The following FTO variants were observed in gnomAD, a reference collection of about 807,000 sequenced individuals.
FTO encodes the protein FTO alpha-ketoglutarate dependent dioxygenase.
In FTO, 47 loss-of-function variants were observed where a neutral mutation model predicts 63.9. The observed-to-expected ratio is 0.74, with a 90% CI of 0.58 to 0.94. The LOEUF is 0.94. Among genes scored for constraint, FTO ranks in the 40% least tolerant of loss-of-function variants. The pLI is 0.00. For synonymous variants in FTO, 207 were observed against 224.4 expected, an observed-to-expected ratio of 0.92 and a Z score of 0.69; for missense variants, 562 against 618.1, an observed-to-expected ratio of 0.91 and a Z score of 0.96.
chr16:54,005,319 C>T (rs1396311678), intron 8 of FTO, among the ~76,000 whole-genome samples: 1 of 144,082 alleles, frequency 6.9e-6, no homozygotes, highest in African/African-American at 2.5e-5. Flanking sequence ...CTATGAAGGC[C>T]AGCAGATTTT....
chr16:54,062,274 A>G (rs1172597959), intron 8 of FTO, among the ~76,000 whole-genome samples: 3 of 152,212 alleles, frequency 2.0e-5, no homozygotes, highest in Non-Finnish European at 4.4e-5. Flanking sequence ...AAATGACAAC[A>G]TTCAAATCTT....
At chr16:53,913,542 G>C (rs1175541040) in intron 7 of FTO, among the ~76,000 whole-genome samples, 3 of 152,190 alleles carry the variant, frequency 2.0e-5, no homozygotes, top group Admixed American at 2.0e-4. Context: ...TATTTGACAA[G>C]CAAAACTTTC....
At chr16:53,931,302 T>TAA (rs1179483453) in intron 7 of FTO, among the ~76,000 whole-genome samples, 2 of 134,990 alleles carry the variant, frequency 1.5e-5, no homozygotes, top group African/African-American at 6.9e-5. Context: ...ATGTGACTTT[T>TAA]TTTTTTTTTT....
At chr16:53,919,012 G>A (rs746448089) in intron 7 of FTO, among the ~76,000 whole-genome samples, 4 of 152,186 alleles carry the variant, frequency 2.6e-5, no homozygotes, top group African/African-American at 9.6e-5. Context: ...CAAATGAGAT[G>A]AAGTTAATGA....
At chr16:54,074,867 C>T (rs1250120198) in intron 8 of FTO, among the ~76,000 whole-genome samples, 1 of 150,330 alleles carries the variant, frequency 6.7e-6, no homozygotes, top group Non-Finnish European at 1.5e-5. Flanking sequence ...ACCTGTTTTT[C>T]TGTAGCTTTA....
At chr16:54,041,479 T>A (rs1171054639) in intron 8 of FTO, among the ~76,000 whole-genome samples, 1 of 152,040 alleles carries the variant, frequency 6.6e-6, no homozygotes, top group Non-Finnish European at 1.5e-5. Context: ...AAGCAAACTC[T>A]CCCTAGTAGA....
intron 8 of FTO, among the ~76,000 whole-genome samples, chr16:53,971,924 A>G (rs953469862): frequency 6.6e-6 from 1 of 152,198 alleles, no homozygotes; most frequent in Non-Finnish European, 1.5e-5. Context: ...TATTTTGGTA[A>G]CAGCTAATCT....
At chr16:53,907,213 C>A (rs1361246877) in intron 7 of FTO, among the ~76,000 whole-genome samples, 1 of 152,168 alleles carries the variant, frequency 6.6e-6, no homozygotes, top group Non-Finnish European at 1.5e-5. Flanking sequence ...AAATTGCATT[C>A]AATATACCTA....
intron 2 of FTO, among the ~76,000 whole-genome samples, chr16:53,822,016 G>A (rs1180807726): frequency 6.6e-6 from 1 of 152,152 alleles, no homozygotes; most frequent in Non-Finnish European, 1.5e-5. Context: ...TTCCAGGCTG[G>A]AAGGGATGGC....
At chr16:54,015,653 A>C (rs765635667) in intron 8 of FTO, among the ~76,000 whole-genome samples, 1 of 152,246 alleles carries the variant, frequency 6.6e-6, no homozygotes, top group Non-Finnish European at 1.5e-5. Flanking sequence ...AGTAACGACT[A>C]TTACTATTTC....
At chr16:53,864,547 T>C (rs943441907) in intron 4 of FTO, among the ~76,000 whole-genome samples, 2 of 152,184 alleles carry the variant, frequency 1.3e-5, no homozygotes, top group Non-Finnish European at 2.9e-5. Flanking sequence ...CAGAGCTCTC[T>C]TCTCCACTGC....
At chr16:53,719,909 T>G (rs1221852836) in intron 1 of FTO, among the ~76,000 whole-genome samples, 1 of 152,196 alleles carries the variant, frequency 6.6e-6, no homozygotes, top group Admixed American at 6.5e-5. Context: ...TTTCATTTTC[T>G]TTCTCATACC....
intron 7 of FTO, among the ~76,000 whole-genome samples, chr16:53,912,626 A>C (rs2081741638): frequency 6.6e-6 from 1 of 152,156 alleles, no homozygotes; most frequent in Middle Eastern, 3.2e-3. Context: ...GGGAATGTTG[A>C]GGTTGGAGCC....
intron 7 of FTO, among the ~76,000 whole-genome samples, chr16:53,925,431 T>C (rs897898191): frequency 9.2e-5 from 14 of 152,128 alleles, no homozygotes; most frequent in African/African-American, 3.4e-4. Context: ...GATCCTGGTG[T>C]TTAAATGCCT....
chr16:53,830,910 A>C (rs2079126817), intron 3 of FTO, among the ~76,000 whole-genome samples: 1 of 152,078 alleles, frequency 6.6e-6, no homozygotes, highest in Admixed American at 6.5e-5. Context: ...CAAACAAAGA[A>C]ACAAACAAAA....
intron 1 of FTO, among the ~76,000 whole-genome samples, chr16:53,753,592 G>A (rs183317766): frequency 6.6e-6 from 1 of 152,060 alleles, no homozygotes; most frequent in Non-Finnish European, 1.5e-5. Flanking sequence ...CTTGTGGCTC[G>A]TGTCCTTCCT....
At chr16:53,833,128 GTTCATCAGGGGT>G (rs564634907) in intron 3 of FTO, among the ~76,000 whole-genome samples, 160 of 152,254 alleles carry the variant, frequency 1.1e-3, no homozygotes, top group Non-Finnish European at 1.9e-3. Context: ...GATCTGGTGG[GTTCATCAGGGGT>G]TTCCGCTTTT....
chr16:54,024,249 C>A (rs1327838115), intron 8 of FTO, among the ~76,000 whole-genome samples: 1 of 152,030 alleles, frequency 6.6e-6, no homozygotes, highest in African/African-American at 2.4e-5. Context: ...TTTTTTGAGA[C>A]AGTCTCACTC....
At chr16:53,970,635 GA>G (rs1183984706) in intron 8 of FTO, among the ~76,000 whole-genome samples, 13 of 151,968 alleles carry the variant, frequency 8.6e-5, no homozygotes, top group African/African-American at 2.9e-4. Context: ...AGACAACAGG[GA>G]TGGTGGTGGG....
Sources: allele counts gnomAD v4.1 joint callset (sites outside exome capture counted in the v4.1 genomes callset), GRCh38; gene constraint gnomAD v4.1.1; transcripts MANE v1.5; gene names NCBI Gene and HGNC (gene_info 2026-07-23, HGNC 2026-07-21).